MYO9A: variants seen among roughly 807,000 people sequenced by gnomAD.
MYO9A encodes unconventional myosin-IXa.
MYO9A carries 103 observed loss-of-function variants against 293.3 expected under a neutral mutation model. The ratio of observed to expected loss-of-function variants is 0.35; its 90% confidence interval spans 0.30 to 0.41. The LOEUF (loss-of-function observed/expected upper bound fraction) is 0.41. Ranked by LOEUF, MYO9A falls within the 10% of genes least tolerant of loss-of-function variation. The probability of loss-of-function intolerance (pLI) is 1.00; values close to 1 mark genes in which losing one functional copy is unlikely to be tolerated. For missense variants in MYO9A, 2,685 were observed against 3,033.0 expected (o/e 0.89, Z 2.69); for synonymous variants, 1,001 against 1,035.7 (o/e 0.97, Z 0.64).
At chr15:71,948,677 G>A (rs1428049973) in intron 15 of MYO9A, among the ~76,000 whole-genome samples, 2 of 152,142 alleles carry the variant, frequency 1.3e-5, no homozygotes, top group Non-Finnish European at 2.9e-5. Context: ...TTACGATCAT[G>A]GGGTGATTTC....
intron 1 of MYO9A, among the ~76,000 whole-genome samples, chr15:72,102,917 TTATA>T (rs1476719331): frequency 6.6e-6 from 1 of 151,840 alleles, no homozygotes; most frequent in Non-Finnish European, 1.5e-5. Flanking sequence ...TATGACATAA[TTATA>T]TATATAGGAA....
At chr15:72,065,515 C>CAAA (rs780113322) in intron 1 of MYO9A, among the ~76,000 whole-genome samples, 1 of 56,600 alleles carries the variant, frequency 1.8e-5, no homozygotes, top group African/African-American at 6.6e-5. Flanking sequence ...AACTCCGTCT[C>CAAA]AAAAAAAAAA....
chr15:71,923,297 C>T (rs1432322170), intron 18 of MYO9A, among the ~76,000 whole-genome samples: 16 of 152,136 alleles, frequency 1.1e-4, no homozygotes, highest in African/African-American at 3.9e-4. Context: ...AGGATTTATG[C>T]ATCCATGTTC....
intron 1 of MYO9A, among the ~76,000 whole-genome samples, chr15:72,082,485 T>C (rs2079576901): frequency 1.3e-5 from 2 of 152,132 alleles, no homozygotes; most frequent in Admixed American, 6.6e-5. Flanking sequence ...GACAGGGACA[T>C]GGACAGGGAT....
intron 15 of MYO9A, among the ~76,000 whole-genome samples, chr15:71,940,242 C>T (rs1187028537): frequency 6.6e-6 from 1 of 152,160 alleles, no homozygotes; most frequent in Admixed American, 6.5e-5. Context: ...TGCTGGTAAT[C>T]CCAACAGTTT....
intron 14 of MYO9A, among the ~76,000 whole-genome samples, chr15:71,952,903 G>A (rs1048077316): frequency 1.3e-5 from 2 of 151,994 alleles, no homozygotes; most frequent in African/African-American, 4.8e-5. Flanking sequence ...AATTCAAAGA[G>A]GTTTGTAGGG....
At position 71,898,257 on chromosome 15, in the gene MYO9A, T is replaced by C; in HGVS notation, c.4246A>G (p.Ser1416Gly). 3 of 1,614,162 alleles carry C rather than the reference T, an allele frequency of 1.9e-6. No individual in the cohort carries two copies. In the South Asian group the frequency reaches 3.3e-5, roughly 18 times the overall value. ...GGGATATAAAAAAAAGTAGGTAGAC[T>C]ATTTGAAATGAAGGAGTCTTTCAGC... ...PQLKDSFISN[S>G]LPTFFYIPQQ... Residue 1416 changes from serine to glycine, a missense_variant, in exon 25 of 42, where the codon AGT becomes GGT. Physicochemically the swap from Ser to Gly is moderately conservative, Grantham distance 56. This residue lies in a region of MYO9A where 1,434 missense variants were observed against 1,497.7 expected (regional missense o/e 0.96). Coordinates refer to ENST00000356056, the MANE Select transcript of MYO9A (RefSeq NM_006901.4).
intron 9 of MYO9A, 135 bp from the exon 10 acceptor site, chr15:71,994,720 A>G: frequency 1.8e-6 from 1 of 560,436 alleles, no homozygotes. Context: ...AAAATAAAAA[A>G]TCTATAACTA....
intron 1 of MYO9A, among the ~76,000 whole-genome samples, chr15:72,052,193 C>T (rs1398350954): frequency 1.3e-5 from 2 of 152,156 alleles, no homozygotes; most frequent in Non-Finnish European, 2.9e-5. Context: ...CCAGGGTCTC[C>T]TCTGCTGAAA....
intron 3 of MYO9A, among the ~76,000 whole-genome samples, chr15:72,028,694 G>GA (rs911976279): frequency 2.3e-5 from 2 of 87,764 alleles, no homozygotes; most frequent in Admixed American, 2.7e-4. Context: ...GATCCCTGAA[G>GA]AAAGACTCTA....
intron 39 of MYO9A, among the ~76,000 whole-genome samples, chr15:71,831,949 G>T (rs1455840681): frequency 3.9e-5 from 6 of 152,124 alleles, no homozygotes; most frequent in Non-Finnish European, 7.4e-5. Flanking sequence ...AACCAAGCAG[G>T]AAGAAACAAA....
chr15:71,976,291 T>C (rs557116597), intron 12 of MYO9A, among the ~76,000 whole-genome samples: 10 of 152,104 alleles, frequency 6.6e-5, no homozygotes, highest in Non-Finnish European at 1.3e-4. Flanking sequence ...AAAAACACAG[T>C]TTGAGAGTTT....
intron 28 of MYO9A, 101 bp downstream of exon 28, chr15:71,883,493 A>G (rs1027247339): frequency 7.9e-7 from 1 of 1,261,108 alleles, no homozygotes; most frequent in Admixed American, 2.5e-5. Flanking sequence ...TAGAACATCC[A>G]GCCAACAGGA....
chr15:71,961,733 A>AT (rs372477462), intron 13 of MYO9A, among the ~76,000 whole-genome samples: 20 of 149,136 alleles, frequency 1.3e-4, no homozygotes, highest in South Asian at 2.1e-4. Context: ...CACCATATAG[A>AT]TTTTTTTTTT....
At chr15:71,860,360 A>G (rs1443468347) in intron 33 of MYO9A, among the ~76,000 whole-genome samples, 1 of 152,218 alleles carries the variant, frequency 6.6e-6, no homozygotes, top group Admixed American at 6.5e-5. Context: ...TTGAGTTGTG[A>G]TTGGGAAGAT....
At chr15:71,910,160 ATATACGTG>A (rs1227834099) in intron 19 of MYO9A, among the ~76,000 whole-genome samples, 178 of 30,532 alleles carry the variant, frequency 5.8e-3, no homozygotes, top group Non-Finnish European at 0.012. Context: ...GTGTATATAT[ATATACGTG>A]TATATATATA....
intron 1 of MYO9A, among the ~76,000 whole-genome samples, chr15:72,110,435 C>CAAAAA (rs397854173): frequency 8.0e-4 from 36 of 45,058 alleles, no homozygotes; most frequent in Non-Finnish European, 1.0e-3. Flanking sequence ...GACTCCATCT[C>CAAAAA]AAAAAAAAAA....
intron 1 of MYO9A, among the ~76,000 whole-genome samples, chr15:72,059,373 G>C (rs1377248637): frequency 6.6e-6 from 1 of 152,190 alleles, no homozygotes; most frequent in African/African-American, 2.4e-5. Flanking sequence ...ACATTTCTTA[G>C]AGGGCTTGCT....
rs1265101138 is a variant in MYO9A at position 72,000,281 on chromosome 15, G to T, written c.1381-341C>A. Among the ~76,000 whole-genome samples, 3 of 152,172 alleles carry T rather than the reference G, an allele frequency of 2.0e-5. No homozygotes were observed. In the East Asian group the frequency reaches 5.8e-4, roughly 29 times the overall value. The stretch of plus-strand genomic sequence containing the variant: ...TGGAGGCAAGGACTAAAAAGTGACA[G>T]CACTTCTTGAATTCCAGAAATATTC... On this transcript the variant is annotated intron_variant, in intron 8 of 41. Transcript: ENST00000356056.
Sources: allele counts gnomAD v4.1 joint callset (sites outside exome capture counted in the v4.1 genomes callset), GRCh38; gene constraint gnomAD v4.1.1; regional missense constraint gnomAD v4.1.1; transcripts MANE v1.5; gene names NCBI Gene and HGNC (gene_info 2026-07-23, HGNC 2026-07-21).